The following PCDHA8 variants were observed in gnomAD, a reference collection of about 807,000 sequenced individuals.
The protein encoded by PCDHA8 is protocadherin alpha-8.
A neutral mutation model predicts 61.8 loss-of-function variants in PCDHA8; 53 were observed. That is an observed-to-expected ratio of 0.86 (90% CI 0.69 to 1.08). The LOEUF is 1.08. Among genes scored for constraint, PCDHA8 ranks in the 50% least tolerant of loss-of-function variants. PCDHA8 has a pLI of 0.00. For missense variants in PCDHA8, 1,293 were observed against 1,245.0 expected, an observed-to-expected ratio of 1.04 and a Z score of -0.58; for synonymous variants, 618 against 556.6, an observed-to-expected ratio of 1.11 and a Z score of -1.55.
intron 3 of PCDHA8, among the ~76,000 whole-genome samples, chr5:140,985,312 G>C (rs961087434): frequency 2.0e-5 from 3 of 152,102 alleles, no homozygotes; most frequent in Non-Finnish European, 2.9e-5. Flanking sequence ...TAGCCTGGTG[G>C]CCAGAATTCA....
intron 1 of PCDHA8, chr5:140,864,535 C>G (rs535465437): frequency 1.3e-5 from 2 of 152,242 alleles, no homozygotes; most frequent in South Asian, 2.1e-4. Flanking sequence ...TAATTTTTGT[C>G]TTCAATCTTC....
chr5:140,987,858 T>C (rs1203158352), intron 3 of PCDHA8, among the ~76,000 whole-genome samples: 1 of 152,142 alleles, frequency 6.6e-6, no homozygotes, highest in African/African-American at 2.4e-5. Context: ...CCACATCTCT[T>C]TACTCTGTGG....
At chr5:140,876,459 C>T (rs2056359218) in intron 1 of PCDHA8, 1 of 1,613,878 alleles carries the variant, frequency 6.2e-7, no homozygotes, top group Non-Finnish European at 8.5e-7. Flanking sequence ...GGATTCCTTC[C>T]ATGGCAGGTC....
At chr5:140,853,080 C>A in intron 1 of PCDHA8, 1 of 301,148 alleles carries the variant, frequency 3.3e-6, no homozygotes, top group Non-Finnish European at 5.0e-6. Context: ...GGGGTTTCAC[C>A]GTGTTAGTCA....
At chr5:140,863,181 C>T (rs782813569) in intron 1 of PCDHA8, 5 of 753,966 alleles carry the variant, frequency 6.6e-6, no homozygotes, top group Non-Finnish European at 1.1e-5. Flanking sequence ...CTGCCACCGT[C>T]ACCGTGGTGG....
At chr5:140,869,561 C>G in intron 1 of PCDHA8, 1 of 1,614,150 alleles carries the variant, frequency 6.2e-7, no homozygotes, top group Non-Finnish European at 8.5e-7. Flanking sequence ...TCGCGTTTTC[C>G]ACTAGAGGGA....
intron 1 of PCDHA8, chr5:140,966,279 G>C (rs1429727504): frequency 3.3e-5 from 12 of 364,508 alleles, no homozygotes; most frequent in Non-Finnish European, 4.9e-5. Context: ...ACTGGACAGT[G>C]GGGGTAGGGA....
intron 1 of PCDHA8, chr5:140,968,442 T>G (rs1245424149): frequency 3.1e-6 from 5 of 1,613,950 alleles, no homozygotes; most frequent in Non-Finnish European, 4.2e-6. Context: ...AGCCCACCAC[T>G]GAGCAGCACT....
chr5:140,960,143 T>C (rs1250145398), intron 1 of PCDHA8, among the ~76,000 whole-genome samples: 1 of 152,208 alleles, frequency 6.6e-6, no homozygotes, highest in Non-Finnish European at 1.5e-5. Context: ...TAGATATTAA[T>C]AGCTTGAGAC....
chr5:140,965,527 A>G (rs2095909626), intron 1 of PCDHA8, among the ~76,000 whole-genome samples: 1 of 151,946 alleles, frequency 6.6e-6, no homozygotes, highest in Non-Finnish European at 1.5e-5. Flanking sequence ...CAAAGCATTA[A>G]TGGAATCCAA....
intron 3 of PCDHA8, among the ~76,000 whole-genome samples, chr5:140,994,104 T>C (rs1356172498): frequency 6.6e-6 from 1 of 152,210 alleles, no homozygotes; most frequent in Non-Finnish European, 1.5e-5. Context: ...ATGGAAATAT[T>C]ACATTGTCAT....
chr5:140,849,581 C>A, intron 1 of PCDHA8: 7 of 1,598,698 alleles, frequency 4.4e-6, no homozygotes, highest in African/African-American at 2.7e-5. Flanking sequence ...TAAAAGAGGA[C>A]GCACAACTGG....
chr5:140,969,222 C>T (rs782010447), intron 1 of PCDHA8: 1 of 1,614,154 alleles, frequency 6.2e-7, no homozygotes, highest in Non-Finnish European at 8.5e-7. Flanking sequence ...GGACCAGGGC[C>T]TTCGGGAGCC....
chr5:140,871,300 C>T (rs1562661811), intron 1 of PCDHA8: 4 of 1,613,916 alleles, frequency 2.5e-6, no homozygotes, highest in Non-Finnish European at 3.4e-6. Context: ...CGCGTGCGCG[C>T]CGGGGAAGCC....
chr5:140,862,359 C>A lies in PCDHA8; in HGVS notation c.2394+18644C>A, dbSNP rs1364549064. ...CCTAACTTCAGTGCCAAGGGACAGA[C>A]GACCCGCACCCTGACTCCTCACGTC... On this transcript the variant is annotated intron_variant, in intron 1 of 3. Coordinates refer to ENST00000531613, the MANE Select transcript of PCDHA8 (RefSeq NM_018911.3). 17 of 337,738 alleles carry A rather than the reference C, an allele frequency of 5.0e-5. No individual in the cohort carries two copies. In the East Asian group the frequency reaches 1.2e-3, roughly 24 times the overall value. The allele number at this position is 337,738 out of a possible 1,614,324, so 20.9% of individuals were successfully genotyped here.
intron 1 of PCDHA8, among the ~76,000 whole-genome samples, chr5:140,956,087 C>T (rs2095255787): frequency 6.6e-6 from 1 of 152,178 alleles, no homozygotes; most frequent in Admixed American, 6.5e-5. Context: ...ATCATGTCAT[C>T]TGCAAACAAA....
chr5:140,852,008 A>G (rs566042388), intron 1 of PCDHA8: 1 of 972,776 alleles, frequency 1.0e-6, no homozygotes, highest in South Asian at 4.8e-5. Flanking sequence ...TTTCTAATTT[A>G]TAGTTTTAAA....
intron 1 of PCDHA8, chr5:140,862,442 C>A: frequency 2.8e-6 from 1 of 361,562 alleles, no homozygotes. Flanking sequence ...CGTTGGTACT[C>A]CACAGCGCCC....
intron 1 of PCDHA8, among the ~76,000 whole-genome samples, chr5:140,973,118 G>T (rs1554234897): frequency 1.3e-5 from 2 of 152,168 alleles, no homozygotes; most frequent in Non-Finnish European, 2.9e-5. Context: ...TAGCAGAGAT[G>T]AATTAAGTTT....
Sources: gnomAD v4.1 joint callset for allele counts (sites outside exome capture counted in the v4.1 genomes callset) on GRCh38, gnomAD v4.1.1 for gene constraint, MANE v1.5 for transcripts, NCBI Gene and HGNC (gene_info 2026-07-23, HGNC 2026-07-21) for gene names.